The following SNX6 variants were observed in gnomAD, a reference collection of about 807,000 sequenced individuals.
SNX6 encodes the protein sorting nexin-6.
Under a neutral mutation model 63.0 loss-of-function variants are expected in SNX6, and 34 were observed. The ratio of observed to expected loss-of-function variants is 0.54; its 90% CI spans 0.41 to 0.72. SNX6 has a LOEUF of 0.72. Ranked by LOEUF, SNX6 falls within the 30% of genes least tolerant of loss-of-function variation. SNX6 has a pLI of 0.00. For missense variants in SNX6, 398 were observed against 471.4 expected, an observed-to-expected ratio of 0.84 and a Z score of 1.44; for synonymous variants, 170 against 164.2, an observed-to-expected ratio of 1.04 and a Z score of -0.27.
At chr14:34,568,076 C>A in intron 11 of SNX6, 63 bp from the exon 12 acceptor site, 1 of 1,307,204 alleles carries the variant, frequency 7.6e-7, no homozygotes, top group Non-Finnish European at 1.1e-6. Flanking sequence ...CACACCCAGC[C>A]ACCACTGTCA....
At chr14:34,568,602 G>A in intron 11 of SNX6, 1 of 637,402 alleles carries the variant, frequency 1.6e-6, no homozygotes, top group Non-Finnish European at 2.8e-6. Context: ...CTGCTAAAGT[G>A]GATTACAAGC....
intron 2 of SNX6, among the ~76,000 whole-genome samples, chr14:34,615,726 G>A (rs545805497): frequency 5.3e-5 from 8 of 149,994 alleles, no homozygotes; most frequent in South Asian, 2.1e-4. Context: ...AATCCCCTCC[G>A]TCCTCGGCCT....
intron 2 of SNX6, among the ~76,000 whole-genome samples, chr14:34,610,159 C>T (rs1323044198): frequency 7.0e-6 from 1 of 143,222 alleles, no homozygotes; most frequent in Non-Finnish European, 1.5e-5. Flanking sequence ...CCCTGGGAAA[C>T]ATAACAAGAC....
rs1167080414 is a variant in SNX6, at chr14:34,586,186, C to T, written c.794+44G>A. On this transcript the variant is annotated intron_variant, in intron 9 of 13. Coordinates refer to ENST00000362031, the MANE Select transcript of SNX6 (RefSeq NM_152233.4). Reference sequence around the variant, plus strand: ...AAAGTGCTGGGATTACAGGCGTGAGCCACCGCGCCCAGCCTATTTCACGTT... The same window carrying T: ...AAAGTGCTGGGATTACAGGCGTGAGTCACCGCGCCCAGCCTATTTCACGTT... 3.1e-6 allele frequency: 4 copies of T among 1,294,328 alleles called. No individual in the cohort carries two copies. In the South Asian group the frequency reaches 3.6e-5, roughly 12 times the overall value. 80.2% of individuals were successfully genotyped at this position (1,294,328 alleles called of 1,614,324 possible).
chr14:34,612,197 T>C (rs947165791), intron 2 of SNX6, among the ~76,000 whole-genome samples: 6 of 152,140 alleles, frequency 3.9e-5, no homozygotes, highest in African/African-American at 1.4e-4. Context: ...CACCTTGGCC[T>C]CCCAAAGTGC....
At chr14:34,577,655 A>C (rs2091751933) in intron 10 of SNX6, among the ~76,000 whole-genome samples, 1 of 152,130 alleles carries the variant, frequency 6.6e-6, no homozygotes. Context: ...GAAATTTATT[A>C]TATCAACCAA....
intron 11 of SNX6, chr14:34,568,709 C>T (rs1305326757): frequency 2.2e-6 from 2 of 911,138 alleles, no homozygotes; most frequent in Admixed American, 3.5e-5. Flanking sequence ...TTGTTGGCAA[C>T]TGCCACCTGT....
intron 11 of SNX6, chr14:34,568,654 G>C (rs562245739): frequency 8.6e-6 from 6 of 695,954 alleles, no homozygotes; most frequent in African/African-American, 4.0e-5. Flanking sequence ...TTTTTTTAAC[G>C]AATGAGGCAA....
intron 8 of SNX6, among the ~76,000 whole-genome samples, chr14:34,586,605 G>T (rs1209135488): frequency 6.6e-6 from 1 of 152,136 alleles, no homozygotes; most frequent in Admixed American, 6.6e-5. Flanking sequence ...CTACTCGGGA[G>T]GCTGAGGCAG....
intron 2 of SNX6, among the ~76,000 whole-genome samples, chr14:34,613,009 A>C (rs1267302425): frequency 1.4e-5 from 2 of 147,642 alleles, no homozygotes; most frequent in Non-Finnish European, 3.0e-5. Context: ...AGATCACGCC[A>C]CTGCACTCCA....
intron 2 of SNX6, among the ~76,000 whole-genome samples, chr14:34,612,771 C>G (rs901308277): frequency 2.0e-5 from 3 of 151,828 alleles, no homozygotes; most frequent in African/African-American, 7.2e-5. Context: ...AGAGGCCAGG[C>G]GCCACTGGTG....
intron 7 of SNX6, among the ~76,000 whole-genome samples, chr14:34,597,060 T>C (rs765953744): frequency 1.1e-4 from 17 of 152,244 alleles, no homozygotes; most frequent in Non-Finnish European, 1.8e-4. Context: ...ACAGAAGCAG[T>C]ACCTCTTGGT....
chr14:34,569,211 C>A (rs528148958), intron 11 of SNX6: 2 of 634,116 alleles, frequency 3.2e-6, no homozygotes, highest in East Asian at 5.3e-5. Context: ...AGTCCATGTA[C>A]CACATAACTC....
chr14:34,576,422 T>C (rs2138280281), intron 10 of SNX6, among the ~76,000 whole-genome samples: 2 of 144,154 alleles, frequency 1.4e-5, no homozygotes, highest in Middle Eastern at 6.9e-3. Context: ...CTCGTGAGTT[T>C]ATGGAAGGAC....
At chr14:34,609,846 T>A in intron 2 of SNX6, 104 bp from the exon 3 acceptor site, 1 of 766,630 alleles carries the variant, frequency 1.3e-6, no homozygotes, top group Non-Finnish European at 2.1e-6. Flanking sequence ...AAAAGATTAT[T>A]AAGTCTAAAG....
At chr14:34,592,819 T>C (rs1234993223) in intron 8 of SNX6, among the ~76,000 whole-genome samples, 1 of 152,170 alleles carries the variant, frequency 6.6e-6, no homozygotes, top group Non-Finnish European at 1.5e-5. Flanking sequence ...TCAAGTGATA[T>C]TCCCGCTTCA....
At chr14:34,585,927 T>C (rs1301523277) in intron 9 of SNX6, among the ~76,000 whole-genome samples, 1 of 146,482 alleles carries the variant, frequency 6.8e-6, no homozygotes, top group East Asian at 2.1e-4. Context: ...TTTTTTGAGA[T>C]GGAGTCTCAC....
At chr14:34,602,054 CT>C (rs71121213) in intron 6 of SNX6, among the ~76,000 whole-genome samples, 54,503 of 150,918 alleles carry the variant, frequency 0.36, 10,201 homozygotes, top group Non-Finnish European at 0.4. Context: ...CTTTGGGAGG[CT>C]GAGGCAGGTG....
chr14:34,616,656 G>C (rs1008886540), intron 2 of SNX6, among the ~76,000 whole-genome samples: 17 of 152,138 alleles, frequency 1.1e-4, no homozygotes, highest in African/African-American at 4.1e-4. Flanking sequence ...GTGAGATTTA[G>C]TGTTCATTAC....
Sources: allele counts gnomAD v4.1 joint callset (sites outside exome capture counted in the v4.1 genomes callset), GRCh38; gene constraint gnomAD v4.1.1; transcripts MANE v1.5; gene names NCBI Gene and HGNC (gene_info 2026-07-23, HGNC 2026-07-21).